Variants in PRKN observed in about 807,000 individuals in gnomAD.
PRKN encodes E3 ubiquitin-protein ligase parkin.
Under a neutral mutation model 59.5 loss-of-function variants are expected in PRKN, and 56 were observed. The ratio of observed to expected loss-of-function variants is 0.94; its 90% CI spans 0.76 to 1.18. The LOEUF is 1.18. Ranked by LOEUF, PRKN falls within the 50% of genes most tolerant of loss-of-function variation. The pLI is 0.00. For synonymous variants in PRKN, 250 were observed against 222.1 expected (o/e 1.13, Z -1.12); for missense variants, 657 against 596.4 (o/e 1.10, Z -1.06).
In PRKN at chr6:162,663,640, G is replaced by A. The variant is rs576884020; in HGVS notation, c.7+64022C>T. ...ACAGAAAATAAGTGTGTACTTCCAG[G>A]AAAAGAGACGACAAGAGGAGTAAAG... On this transcript the variant is annotated intron_variant, in intron 1 of 11. Transcript: ENST00000366898. Among the ~76,000 whole-genome samples, 7 of 152,190 alleles carry A rather than the reference G, an allele frequency of 4.6e-5. No individual in the cohort carries two copies. In the South Asian group the frequency reaches 6.2e-4, roughly 14 times the overall value.
rs897273349 is a variant in PRKN at position 161,991,993 on chromosome 6, T to C, written c.619-18576A>G. On this transcript the variant is annotated intron_variant, in intron 5 of 11. Coordinates refer to ENST00000366898, the MANE Select transcript of PRKN (RefSeq NM_004562.3). ...ACAAATAAAAACCAAAAGTGGACAA[T>C]AGTAGCTATACTTACATCAGATAAA... Among the ~76,000 whole-genome samples the C allele has an allele frequency of 3.9e-5, 6 of 151,910 alleles. No individual in the cohort carries two copies. In the South Asian group the frequency reaches 6.2e-4, roughly 16 times the overall value.
At chr6:162,466,451 T>C (rs997327843) in intron 1 of PRKN, among the ~76,000 whole-genome samples, 1 of 152,186 alleles carries the variant, frequency 6.6e-6, no homozygotes, top group South Asian at 2.1e-4. Flanking sequence ...CAGGCTGAAG[T>C]GCAGTGTTGC....
At chr6:162,643,397 CAAAA>C (rs59995115) in intron 1 of PRKN, among the ~76,000 whole-genome samples, 1 of 82,492 alleles carries the variant, frequency 1.2e-5, no homozygotes. Context: ...GACTCTGCCT[CAAAA>C]AAAAAAAAAA....
At chr6:161,948,667 A>G (rs753327687) in intron 6 of PRKN, among the ~76,000 whole-genome samples, 1 of 152,144 alleles carries the variant, frequency 6.6e-6, no homozygotes, top group Non-Finnish European at 1.5e-5. Flanking sequence ...AATGCAGACA[A>G]TTTCTCTGGC....
intron 2 of PRKN, among the ~76,000 whole-genome samples, chr6:162,318,987 T>C (rs1395316297): frequency 6.6e-6 from 1 of 152,012 alleles, no homozygotes; most frequent in Admixed American, 6.6e-5. Context: ...GGAAGACTGG[T>C]AGGTAATACA....
intron 1 of PRKN, among the ~76,000 whole-genome samples, chr6:162,467,725 A>G (rs957792811): frequency 6.6e-6 from 1 of 151,736 alleles, no homozygotes; most frequent in Non-Finnish European, 1.5e-5. Flanking sequence ...TCTATTGTTC[A>G]CAGGATAAAA....
At chr6:162,433,731 G>A (rs9365428) in intron 2 of PRKN, among the ~76,000 whole-genome samples, 17,714 of 152,020 alleles carry the variant, frequency 0.12, 1,411 homozygotes, top group African/African-American at 0.23. Flanking sequence ...CAATGTTTTT[G>A]ATGAATTACG....
rs930812713 is a variant in PRKN, at chr6:161,530,974, C to T, written c.1083+17880G>A. Among the ~76,000 whole-genome samples, 1 of 152,226 alleles carries T rather than the reference C, an allele frequency of 6.6e-6. No individual in the cohort carries two copies. Among genetic ancestry groups the T allele is most frequent in the African/African-American group, 2.4e-5 (1 of 41,460 alleles). On this transcript the variant is annotated intron_variant, in intron 9 of 11. Transcript: ENST00000366898. This position sits in a 1 kb window ranked among gnomAD's most constrained non-coding sequence, Gnocchi z 5.0. ...AATTTCAGTTTCATATTTTCAACTA[C>T]CTACGGGATATTTTATTGCTTCAAA...
chr6:161,356,852 C>T lies in PRKN; in HGVS notation c.1285+3236G>A, dbSNP rs1356620630. ...TGGCTATTGGAGTCGGACCGAGGGG[C>T]GAGATGAGGGTGGGGTGTAGATTTG... On this transcript the variant is annotated intron_variant, in intron 11 of 11. Coordinates refer to ENST00000366898, the MANE Select transcript of PRKN (RefSeq NM_004562.3). The surrounding 1 kb of genome is among the most constrained non-coding windows in gnomAD (Gnocchi z 7.8). Among the ~76,000 whole-genome samples, 2 of 151,708 alleles carry T rather than the reference C, an allele frequency of 1.3e-5. No homozygotes were observed. The highest frequency in any genetic ancestry group is 1.5e-5 in the Non-Finnish European group (1 of 67,942).
chr6:161,592,434 GA>G lies in PRKN; in HGVS notation c.872-23019del, dbSNP rs1426940773. On this transcript the variant is annotated intron_variant, in intron 7 of 11. Transcript: ENST00000366898. The surrounding 1 kb of genome is among the most constrained non-coding windows in gnomAD (Gnocchi z 4.8). ...TATAATGTGGGGCTAGTAGACGAAA[GA>G]ATATCAATATCATTTGATGATATTA... Among the ~76,000 whole-genome samples, 1 of 152,126 alleles carries G rather than the reference GA, an allele frequency of 6.6e-6. No individual in the cohort carries two copies. Among genetic ancestry groups the G allele is most frequent in the East Asian group, 1.9e-4 (1 of 5,196 alleles).
rs1789272369 is a variant in PRKN, at chr6:161,442,284, G to T, written c.1084-55407C>A. Among the ~76,000 whole-genome samples, 1 of 152,116 alleles carries T rather than the reference G, an allele frequency of 6.6e-6. No homozygotes were observed. The highest frequency in any genetic ancestry group is 1.5e-5 in the Non-Finnish European group (1 of 68,016). On this transcript the variant is annotated intron_variant, in intron 9 of 11. Coordinates refer to ENST00000366898, the MANE Select transcript of PRKN (RefSeq NM_004562.3). This position sits in a 1 kb window ranked among gnomAD's most constrained non-coding sequence, Gnocchi z 4.6. ...AAGTCAGTACAGAGCCATTGAAGGG[G>T]CTTTCCACCTCCTACGATAAGTAAA...
At chr6:161,656,270 G>A (rs1269449835) in intron 7 of PRKN, among the ~76,000 whole-genome samples, 1 of 152,202 alleles carries the variant, frequency 6.6e-6, no homozygotes, top group Non-Finnish European at 1.5e-5. Context: ...TGCTTCAGGA[G>A]CCTCCCACCT....
At chr6:162,200,971 G>A (rs767765144) in intron 4 of PRKN, among the ~76,000 whole-genome samples, 160 bp downstream of exon 4, 8 of 152,166 alleles carry the variant, frequency 5.3e-5, no homozygotes, top group Non-Finnish European at 1.0e-4. Context: ...AGACAAAGGC[G>A]CATAAACGAA....
chr6:162,281,325 C>T (rs9347609), intron 2 of PRKN, among the ~76,000 whole-genome samples: 87,868 of 151,744 alleles, frequency 0.58, 28,563 homozygotes, highest in East Asian at 0.92. Flanking sequence ...AAATGATGAG[C>T]TGACGGGTGC....
intron 6 of PRKN, among the ~76,000 whole-genome samples, chr6:161,867,773 A>ATTTATTTATTTG (rs1341301109): frequency 6.6e-6 from 1 of 150,746 alleles, no homozygotes; most frequent in Admixed American, 6.6e-5. Context: ...TTATTTATTT[A>ATTTATTTATTTG]TTTTTGAGAC....
At chr6:161,838,031 A>C (rs1792834038) in intron 6 of PRKN, among the ~76,000 whole-genome samples, 1 of 152,166 alleles carries the variant, frequency 6.6e-6, no homozygotes, top group Non-Finnish European at 1.5e-5. Context: ...CCTAGGACAG[A>C]AAGCGGCTGA....
chr6:161,731,729 G>C (rs1787720954), intron 7 of PRKN, among the ~76,000 whole-genome samples: 1 of 152,158 alleles, frequency 6.6e-6, no homozygotes, highest in Non-Finnish European at 1.5e-5. Flanking sequence ...GACTGAAGAA[G>C]ACAGAGAAAT....
At chr6:161,719,185 G>C (rs1787116930) in intron 7 of PRKN, among the ~76,000 whole-genome samples, 1 of 151,722 alleles carries the variant, frequency 6.6e-6, no homozygotes, top group South Asian at 2.1e-4. Flanking sequence ...TCTCCTTCCA[G>C]AGATTTCCCT....
intron 7 of PRKN, among the ~76,000 whole-genome samples, chr6:161,630,794 C>A (rs755177163): frequency 1.3e-5 from 2 of 152,146 alleles, no homozygotes; most frequent in African/African-American, 4.8e-5. Flanking sequence ...AAAAAAGACA[C>A]GTGGTTCTCT....
Sources: allele counts gnomAD v4.1 joint callset (sites outside exome capture counted in the v4.1 genomes callset), GRCh38; gene constraint gnomAD v4.1.1; non-coding constraint Gnocchi (gnomAD v3.1); transcripts MANE v1.5; gene names NCBI Gene and HGNC (gene_info 2026-07-23, HGNC 2026-07-21).